Variants in STK24 observed in about 807,000 individuals in gnomAD.
The protein encoded by STK24 is serine/threonine kinase 24.
In STK24, 21 loss-of-function variants were observed where a neutral mutation model predicts 55.6. The ratio of observed to expected loss-of-function variants is 0.38; its 90% CI spans 0.27 to 0.54. The LOEUF (loss-of-function observed/expected upper bound fraction) is 0.54, where lower values mean the gene tolerates loss of function less well. Ranked by LOEUF, STK24 falls within the 20% of genes least tolerant of loss-of-function variation. The pLI is 0.79. For missense variants in STK24, 383 were observed against 538.4 expected, an observed-to-expected ratio of 0.71 and a Z score of 2.86; for synonymous variants, 200 against 215.2, an observed-to-expected ratio of 0.93 and a Z score of 0.62.
In STK24 at chr13:98,447,883, C is replaced by T. The variant is rs1348465534; in HGVS notation, c.*5290G>A. On this transcript the variant is annotated 3_prime_UTR_variant, in exon 11 of 11. Transcript: ENST00000539966. Reference sequence around the variant, plus strand: ...AAAGAAAAAAGGAAGGGAGAGCTTCCACTAAGCAGGATGGGACACGTCCCG... The same window carrying T: ...AAAGAAAAAAGGAAGGGAGAGCTTCTACTAAGCAGGATGGGACACGTCCCG... The T allele has an allele frequency of 1.5e-5, 4 of 258,124 alleles. No homozygotes were observed. The highest frequency in any genetic ancestry group is 3.0e-5 in the Non-Finnish European group (4 of 135,350). 16.0% of individuals were successfully genotyped at this position (258,124 alleles called of 1,614,324 possible). A position where few individuals can be genotyped will look rare whatever the true frequency, so the allele number is the denominator to read the frequency against.
At chr13:98,515,504 C>A (rs1436693980) in intron 2 of STK24, among the ~76,000 whole-genome samples, 13 of 151,712 alleles carry the variant, frequency 8.6e-5, no homozygotes, top group Non-Finnish European at 1.8e-4. Context: ...GGCCTCAGAT[C>A]CATAAATATT....
rs779011277 is a variant in STK24, at chr13:98,446,097, G to A, written c.*7076C>T. 6.2e-7 allele frequency: 1 copy of A among 1,611,086 alleles called. No homozygotes were observed. The highest frequency in any genetic ancestry group is 2.2e-5 in the East Asian group (1 of 44,862). On this transcript the variant is annotated 3_prime_UTR_variant, in exon 11 of 11. Transcript: ENST00000539966. ...TTCTCACAGGCCTCCTTGCCTTTCAGAATCAGTTGTCTGGAAACCTGCTGA... is the reference window on the plus strand; with the variant it reads ...TTCTCACAGGCCTCCTTGCCTTTCAAAATCAGTTGTCTGGAAACCTGCTGA...
chr13:98,446,408 T>G lies in STK24; in HGVS notation c.*6765A>C. 1.7e-6 allele frequency: 1 copy of G among 601,770 alleles called. No homozygotes were observed. The highest frequency in any genetic ancestry group is 2.9e-6 in the Non-Finnish European group (1 of 339,070). The allele number at this position is 601,770 out of a possible 1,614,324, so 37.3% of individuals were successfully genotyped here. A position where few individuals can be genotyped will look rare whatever the true frequency, so the allele number is the denominator to read the frequency against. ...CATTATCATCCACTGAAGGACAACTTCTGCCCTAGGAAGGGCCACCTGTCT... is the reference window on the plus strand; with the variant it reads ...CATTATCATCCACTGAAGGACAACTGCTGCCCTAGGAAGGGCCACCTGTCT... On this transcript the variant is annotated 3_prime_UTR_variant, in exon 11 of 11. Coordinates refer to ENST00000539966, the MANE Select transcript of STK24 (RefSeq NM_001032296.4).
At chr13:98,553,265 C>T (rs953919868) in intron 1 of STK24, 7 of 152,236 alleles carry the variant, frequency 4.6e-5, no homozygotes, top group African/African-American at 1.7e-4. Flanking sequence ...CCCCAGAAGC[C>T]GAGGGGCCAA....
chr13:98,557,617 C>A (rs1320797143), intron 1 of STK24, among the ~76,000 whole-genome samples: 1 of 152,252 alleles, frequency 6.6e-6, no homozygotes, highest in East Asian at 1.9e-4. Context: ...AACCACCAAA[C>A]TGTCAACGCC....
At chr13:98,534,031 G>A (rs1269334379) in intron 1 of STK24, among the ~76,000 whole-genome samples, 1 of 152,210 alleles carries the variant, frequency 6.6e-6, no homozygotes, top group Non-Finnish European at 1.5e-5. Context: ...CCACCACCTG[G>A]TGCTAGCGGG....
chr13:98,456,868 A>C, intron 10 of STK24: 1 of 484,674 alleles, frequency 2.1e-6, no homozygotes, highest in Non-Finnish European at 3.7e-6. Context: ...TCTGGCCAAT[A>C]ATTAAGCTGC....
At chr13:98,572,709 G>A (rs928549265) in intron 1 of STK24, among the ~76,000 whole-genome samples, 1 of 152,150 alleles carries the variant, frequency 6.6e-6, no homozygotes, top group Non-Finnish European at 1.5e-5. Context: ...GGGACAGGAT[G>A]ATGTTAACAA....
At chr13:98,513,600 G>A (rs1249567109) in intron 2 of STK24, among the ~76,000 whole-genome samples, 1 of 152,086 alleles carries the variant, frequency 6.6e-6, no homozygotes, top group African/African-American at 2.4e-5. Context: ...GATCACAGAA[G>A]CCCTTCAGAC....
rs941906835 is a variant in STK24 at position 98,460,262 on chromosome 13, C to A, written c.1122+110G>T. 7.6e-6 allele frequency: 8 copies of A among 1,057,846 alleles called. No homozygotes were observed. In the East Asian group the frequency reaches 1.8e-4, roughly 23 times the overall value. The allele number at this position is 1,057,846 out of a possible 1,614,324, so 65.5% of individuals were successfully genotyped here. ...CCATGCAGGCTTTCCGAGCCTTTGCCAGCTTGTCTTAATGTCCCCAACTCT... is the reference window on the plus strand; with the variant it reads ...CCATGCAGGCTTTCCGAGCCTTTGCAAGCTTGTCTTAATGTCCCCAACTCT... On this transcript the variant is annotated intron_variant, in intron 9 of 10. Coordinates refer to ENST00000539966, the MANE Select transcript of STK24 (RefSeq NM_001032296.4).
rs141164487 is a variant in STK24, at chr13:98,544,771, T to C, written c.43-25298A>G. On this transcript the variant is annotated intron_variant, in intron 1 of 10. Transcript: ENST00000539966. ...GGGGAAACATTTCAGAAAAATACTCTCAACTCTCAAAGAAATTACAGACAA... is the reference window on the plus strand; with the variant it reads ...GGGGAAACATTTCAGAAAAATACTCCCAACTCTCAAAGAAATTACAGACAA... 2.5e-3 allele frequency among the ~76,000 whole-genome samples: 388 copies of C among 152,190 alleles called. 3 individuals are homozygous for C. The South Asian group carries it at 0.034, about 13-fold the overall frequency.
rs540620489 is a variant in STK24 at position 98,468,918 on chromosome 13, G to C, written c.598-2357C>G. On this transcript the variant is annotated intron_variant, in intron 5 of 10. Transcript: ENST00000539966. ...GTCACCCTATTGTGCTACTGAACAT[G>C]ATCTCTGACGGATGCACCTCCAGAC... Among the ~76,000 whole-genome samples the C allele has an allele frequency of 2.3e-4, 35 of 152,320 alleles. 1 individual carries two copies. In the South Asian group the frequency reaches 6.0e-3, roughly 26 times the overall value.
chr13:98,519,075 T>C (rs765133842), intron 2 of STK24, among the ~76,000 whole-genome samples, 168 bp downstream of exon 2: 1 of 152,214 alleles, frequency 6.6e-6, no homozygotes, highest in Non-Finnish European at 1.5e-5. Flanking sequence ...TAGGAGACAT[T>C]TGAGATGATG....
chr13:98,545,677 A>T (rs1322838843), intron 1 of STK24, among the ~76,000 whole-genome samples: 2 of 152,034 alleles, frequency 1.3e-5, no homozygotes, highest in Admixed American at 1.3e-4. Flanking sequence ...TTCAGGAAGA[A>T]GATTTTAAGT....
chr13:98,571,942 G>A (rs1897751338), intron 1 of STK24, among the ~76,000 whole-genome samples: 1 of 152,178 alleles, frequency 6.6e-6, no homozygotes, highest in African/African-American at 2.4e-5. Context: ...GAAAGCAGGA[G>A]CCCCAAAGAA....
Position 98,448,580 on chromosome 13 carries a change from G to A in STK24, c.*4593C>T. 2.3e-6 allele frequency: 1 copy of A among 432,514 alleles called. No homozygotes were observed. Among genetic ancestry groups the A allele is most frequent in the Non-Finnish European group, 4.2e-6 (1 of 240,518 alleles). The allele number at this position is 432,514 out of a possible 1,614,324, so 26.8% of individuals were successfully genotyped here. On this transcript the variant is annotated 3_prime_UTR_variant, in exon 11 of 11. Coordinates refer to ENST00000539966, the MANE Select transcript of STK24 (RefSeq NM_001032296.4). Reference sequence around the variant, plus strand: ...GTATTAAAACATTGTCATTACGAGAGTGCCAAATGACATCTTCCCTCCACC... The same window carrying A: ...GTATTAAAACATTGTCATTACGAGAATGCCAAATGACATCTTCCCTCCACC...
At chr13:98,464,200 G>A (rs1462985564) in intron 6 of STK24, among the ~76,000 whole-genome samples, 1 of 151,998 alleles carries the variant, frequency 6.6e-6, no homozygotes, top group East Asian at 2.0e-4. Context: ...GGCAGATCAC[G>A]AGGTCAGGAG....
At chr13:98,488,798 C>A (rs929444168) in intron 2 of STK24, among the ~76,000 whole-genome samples, 3 of 151,958 alleles carry the variant, frequency 2.0e-5, no homozygotes, top group African/African-American at 7.3e-5. Context: ...CACGAACCCA[C>A]CAAGGTTAAA....
Position 98,521,697 on chromosome 13 carries a change from A to G in STK24, c.43-2224T>C, listed in dbSNP as rs1402376600. On this transcript the variant is annotated intron_variant, in intron 1 of 10. Transcript: ENST00000539966. ...TTCGGGGATGCGGGGGAAGCAGCGC[A>G]TCCTTTTTTAGCTATAATGAAACAT... The G allele has an allele frequency of 4.0e-6, 3 of 747,884 alleles. No homozygotes were observed. The African/African-American group carries it at 5.2e-5, about 13-fold the overall frequency. The allele number at this position is 747,884 out of a possible 1,614,324, so 46.3% of individuals were successfully genotyped here. A position where few individuals can be genotyped will look rare whatever the true frequency, so the allele number is the denominator to read the frequency against.
Sources: gnomAD v4.1 joint callset for allele counts (sites outside exome capture counted in the v4.1 genomes callset) on GRCh38, gnomAD v4.1.1 for gene constraint, MANE v1.5 for transcripts, NCBI Gene and HGNC (gene_info 2026-07-23, HGNC 2026-07-21) for gene names.